Variants in XIRP2 observed in about 807,000 individuals in gnomAD.
XIRP2 encodes the protein xin actin binding repeat containing 2, also known as xin actin-binding repeat-containing protein 2.
A neutral mutation model predicts 277.0 loss-of-function variants in XIRP2; 236 were observed. The observed-to-expected ratio is 0.85, with a 90% confidence interval of 0.77 to 0.95. The LOEUF (loss-of-function observed/expected upper bound fraction) is 0.95. XIRP2 is among the 40% of genes least tolerant of loss of function. The pLI, the probability that XIRP2 is intolerant of heterozygous loss-of-function variation, is 0.00. For missense variants in XIRP2, 4,640 were observed against 4,157.5 expected, an observed-to-expected ratio of 1.12 and a Z score of -3.19; for synonymous variants, 1,490 against 1,416.5, an observed-to-expected ratio of 1.05 and a Z score of -1.17.
chr2:166,956,152 A>G (rs1373223691), intron 2 of XIRP2, among the ~76,000 whole-genome samples: 1 of 151,808 alleles, frequency 6.6e-6, no homozygotes, highest in East Asian at 1.9e-4. Flanking sequence ...ACACAACTAT[A>G]TGCTTTGCTG....
intron 3 of XIRP2, chr2:167,187,653 A>G (rs540939482): frequency 9.8e-6 from 7 of 712,784 alleles, no homozygotes; most frequent in African/African-American, 1.9e-5. Context: ...GAAAATATCC[A>G]GTTGGATTTT....
At chr2:167,199,872 G>A (rs1258359237) in intron 3 of XIRP2, among the ~76,000 whole-genome samples, 1 of 152,140 alleles carries the variant, frequency 6.6e-6, no homozygotes, top group Non-Finnish European at 1.5e-5. Flanking sequence ...AAGGAAGTTT[G>A]GGAAAAGGAA....
intron 2 of XIRP2, among the ~76,000 whole-genome samples, chr2:167,116,688 G>A (rs985737894): frequency 6.6e-6 from 1 of 152,012 alleles, no homozygotes; most frequent in Non-Finnish European, 1.5e-5. Flanking sequence ...TGTTTGTTCT[G>A]TCTTTCATCT....
chr2:167,063,120 A>G (rs1416545654), intron 2 of XIRP2, among the ~76,000 whole-genome samples: 1 of 151,872 alleles, frequency 6.6e-6, no homozygotes. Flanking sequence ...CTACAATCTT[A>G]AACTATTATT....
chr2:167,005,087 G>T (rs529139838), intron 2 of XIRP2, among the ~76,000 whole-genome samples: 8 of 151,842 alleles, frequency 5.3e-5, no homozygotes, highest in Middle Eastern at 6.8e-3. Context: ...AAAATAAAAA[G>T]TTCCATGGTG....
intron 2 of XIRP2, among the ~76,000 whole-genome samples, chr2:166,921,326 C>A (rs1364756380): frequency 6.6e-6 from 1 of 152,066 alleles, no homozygotes; most frequent in African/African-American, 2.4e-5. Context: ...TTCATTCCCC[C>A]CAGTAACAAA....
rs1473682814 is a variant in XIRP2 at position 167,249,067 on chromosome 2, G to A, written c.7675G>A (p.Glu2559Lys). ...EKYRQQKEEI[E>K]KQKQESSYYN... ...ATATAGACAACAAAAAGAAGAAATT[G>A]AAAAACAGAAACAGGAGAGTTCTTA... Residue 2559 changes from glutamate to lysine, a missense_variant, in exon 9 of 11, where the codon GAA becomes AAA. Physicochemically the swap from Glu to Lys is moderately conservative, Grantham distance 56. Transcript: ENST00000409195. 5.6e-6 allele frequency: 9 copies of A among 1,612,084 alleles called. No homozygotes were observed. The East Asian group carries it at 1.1e-4, about 20-fold the overall frequency.
chr2:167,183,360 G>A (rs541517702), intron 3 of XIRP2, among the ~76,000 whole-genome samples: 1 of 152,230 alleles, frequency 6.6e-6, no homozygotes, highest in South Asian at 2.1e-4. Flanking sequence ...TGCAACAAAG[G>A]TTTTAATGGA....
intron 2 of XIRP2, among the ~76,000 whole-genome samples, chr2:166,996,061 C>A (rs946364930): frequency 6.6e-6 from 1 of 152,130 alleles, no homozygotes; most frequent in East Asian, 1.9e-4. Flanking sequence ...GTTTTATAAA[C>A]GACTACTTAA....
chr2:166,964,661 A>G (rs1686379922), intron 2 of XIRP2, among the ~76,000 whole-genome samples: 1 of 151,716 alleles, frequency 6.6e-6, no homozygotes, highest in Admixed American at 6.6e-5. Context: ...TCATAAACCA[A>G]CTGGGCAATG....
Position 167,245,866 on chromosome 2 carries a change from T to C in XIRP2, c.4474T>C (p.Trp1492Arg). 6.2e-7 allele frequency: 1 copy of C among 1,613,792 alleles called. No homozygotes were observed. The highest frequency in any genetic ancestry group is 1.1e-5 in the South Asian group (1 of 91,080). The change falls in exon 9 of 11, where the codon TGG (tryptophan) becomes CGG (arginine). Residue 1492 changes from tryptophan (W) to arginine (R), a missense_variant. Physicochemically the swap from Trp to Arg is moderately radical, Grantham distance 101. Coordinates refer to ENST00000409195, the MANE Select transcript of XIRP2 (RefSeq NM_152381.6). ...GAAAGGTGATGTTAAGCAGGCTGTG[T>C]GGCTTTTTGAAAATCGAACTTTCGA... ...VQKGDVKQAV[W>R]LFENRTFDSI...
chr2:167,255,755 T>G (rs2105455194), intron 10 of XIRP2, among the ~76,000 whole-genome samples: 1 of 151,978 alleles, frequency 6.6e-6, no homozygotes, highest in Non-Finnish European at 1.5e-5. Context: ...TTGATGTTTC[T>G]GCAGTTGTTC....
intron 2 of XIRP2, among the ~76,000 whole-genome samples, chr2:166,913,981 A>G (rs1467163616): frequency 1.3e-5 from 2 of 152,222 alleles, no homozygotes; most frequent in African/African-American, 2.4e-5. Flanking sequence ...AGATATTTAC[A>G]TTCTACTCCC....
At chr2:167,193,667 T>C (rs1214742093) in intron 3 of XIRP2, among the ~76,000 whole-genome samples, 2 of 151,998 alleles carry the variant, frequency 1.3e-5, no homozygotes, top group Non-Finnish European at 2.9e-5. Context: ...CACTTGAGGC[T>C]AGGAGTTCAA....
chr2:167,019,392 G>A (rs1687921987), intron 2 of XIRP2, among the ~76,000 whole-genome samples: 1 of 152,042 alleles, frequency 6.6e-6, no homozygotes, highest in African/African-American at 2.4e-5. Flanking sequence ...AGTTACTATG[G>A]AGAGTAAGGC....
In XIRP2 at chr2:167,247,074, T is replaced by C. The variant is rs750307866; in HGVS notation, c.5682T>C (p.Asp1894=). ...ESKQPDAIPG[D]IEKAIECLEK... The stretch of plus-strand genomic sequence containing the variant: ...AACAGCCTGATGCCATCCCTGGTGA[T>C]ATTGAAAAAGCTATTGAATGCCTTG... The change falls in exon 9 of 11, where the codon GAT becomes GAC. Residue 1894 remains aspartate, a synonymous_variant. Coordinates refer to ENST00000409195, the MANE Select transcript of XIRP2 (RefSeq NM_152381.6). The C allele has an allele frequency of 6.2e-6, 10 of 1,612,194 alleles. No individual in the cohort carries two copies. The highest frequency in any genetic ancestry group is 3.4e-5 in the Admixed American group (2 of 59,640).
At chr2:167,041,221 T>A (rs1275261331) in intron 2 of XIRP2, among the ~76,000 whole-genome samples, 1 of 152,024 alleles carries the variant, frequency 6.6e-6, no homozygotes, top group East Asian at 1.9e-4. Context: ...CTCACATATA[T>A]GAGAAAGAAC....
Position 167,067,328 on chromosome 2 carries a change from C to T in XIRP2, c.409-68581C>T, listed in dbSNP as rs182519109. On this transcript the variant is annotated intron_variant, in intron 2 of 10. Coordinates refer to ENST00000409195, the MANE Select transcript of XIRP2 (RefSeq NM_152381.6). ...GCAATATTTAATTTGCTGTCAGTCC[C>T]AACCAGTGTATTTTTCATGTCATAT... 5.2e-3 allele frequency among the ~76,000 whole-genome samples: 786 copies of T among 152,142 alleles called. 9 individuals carry two copies. Among genetic ancestry groups the T allele is most frequent in the Middle Eastern group, 0.034 (10 of 294 alleles).
At chr2:166,956,512 T>C (rs906982535) in intron 2 of XIRP2, among the ~76,000 whole-genome samples, 1 of 151,838 alleles carries the variant, frequency 6.6e-6, no homozygotes, top group African/African-American at 2.4e-5. Flanking sequence ...TCCATGTAAA[T>C]TCTTATATTG....
Sources: allele counts gnomAD v4.1 joint callset (sites outside exome capture counted in the v4.1 genomes callset), GRCh38; gene constraint gnomAD v4.1.1; transcripts MANE v1.5; gene names NCBI Gene and HGNC (gene_info 2026-07-23, HGNC 2026-07-21).